The following CDKN2B-AS1 variants were observed in gnomAD, a reference collection of about 807,000 sequenced individuals.
The protein encoded by CDKN2B-AS1 is CDKN2B antisense RNA 1 (non-protein coding).
chr9:22,057,072 G>A (rs1823603477), intron 4 of CDKN2B-AS1, among the ~76,000 whole-genome samples: 1 of 151,962 alleles, frequency 6.6e-6, no homozygotes, highest in Non-Finnish European at 1.5e-5. Context: ...ACCCCAAATA[G>A]GTAACTGCTG....
Position 22,005,710 on chromosome 9 carries a change from A to T in CDKN2B-AS1, n.29+10549A>T, listed in dbSNP as rs956480469. On this transcript the variant is annotated intron_variant and non_coding_transcript_variant, in intron 1 of 4. Coordinates refer to ENST00000650946, the Ensembl canonical transcript of CDKN2B-AS1. The surrounding 1 kb of genome is among the most constrained non-coding windows in gnomAD (Gnocchi z 4.9). Reference sequence around the variant, plus strand: ...TTCCCTCAGAAAACCCTGAAAAGCAAACGACCCCTGGAATGTCACACACTC... The same window carrying T: ...TTCCCTCAGAAAACCCTGAAAAGCATACGACCCCTGGAATGTCACACACTC... 3.4e-5 allele frequency: 19 copies of T among 556,638 alleles called. No individual in the cohort carries two copies. Among genetic ancestry groups the T allele is most frequent in the African/African-American group, 3.4e-4 (18 of 53,030 alleles). The allele number at this position is 556,638 out of a possible 1,614,324, so 34.5% of individuals were successfully genotyped here. A position where few individuals can be genotyped will look rare whatever the true frequency, so the allele number is the denominator to read the frequency against.
At chr9:22,023,185 G>A (rs1051035885) in intron 1 of CDKN2B-AS1, among the ~76,000 whole-genome samples, 1 of 152,114 alleles carries the variant, frequency 6.6e-6, no homozygotes, top group African/African-American at 2.4e-5. Flanking sequence ...CTAGGATGGG[G>A]AAGTTCTCAT....
At chr9:22,110,588 G>A (rs748474508) in intron 4 of CDKN2B-AS1, among the ~76,000 whole-genome samples, 1 of 152,078 alleles carries the variant, frequency 6.6e-6, no homozygotes, top group Non-Finnish European at 1.5e-5. Flanking sequence ...GTAGGATCTT[G>A]TTTAGTTTTC....
At chr9:22,026,889 T>G (rs1458143062) in intron 1 of CDKN2B-AS1, among the ~76,000 whole-genome samples, 1 of 152,146 alleles carries the variant, frequency 6.6e-6, no homozygotes, top group Non-Finnish European at 1.5e-5. Context: ...TGCAAAGATC[T>G]GTGAGAGCAG....
chr9:22,012,027 G>C, intron 1 of CDKN2B-AS1: 1 of 543,716 alleles, frequency 1.8e-6, no homozygotes. Flanking sequence ...ACATAACTCA[G>C]ATCACTAGTA....
intron 1 of CDKN2B-AS1, among the ~76,000 whole-genome samples, chr9:22,013,867 ATGCTTCTTTAT>A (rs1821622696): frequency 6.6e-6 from 1 of 151,938 alleles, no homozygotes; most frequent in African/African-American, 2.4e-5. Context: ...ATTTTGCTGA[ATGCTTCTTTAT>A]AATGACACTT....
chr9:22,090,529 G>T (rs1283568586), intron 4 of CDKN2B-AS1, among the ~76,000 whole-genome samples: 2 of 152,128 alleles, frequency 1.3e-5, no homozygotes, highest in African/African-American at 2.4e-5. Flanking sequence ...TCTGACTGGT[G>T]TCAGATGGTA....
At chr9:22,063,731 T>C (rs1823917239) in intron 4 of CDKN2B-AS1, among the ~76,000 whole-genome samples, 1 of 152,158 alleles carries the variant, frequency 6.6e-6, no homozygotes, top group Non-Finnish European at 1.5e-5. Flanking sequence ...CTGTCTGTTT[T>C]GGGAAAGGCT....
chr9:22,127,761 G>GCT, exon 5 of CDKN2B-AS1, among the ~76,000 whole-genome samples: 1 of 152,280 alleles, frequency 6.6e-6, no homozygotes, highest in East Asian at 1.9e-4. Flanking sequence ...TTGATGAGAT[G>GCT]TTGAACCATG....
chr9:22,094,015 G>A (rs1470705453), intron 4 of CDKN2B-AS1, among the ~76,000 whole-genome samples: 1 of 144,292 alleles, frequency 6.9e-6, no homozygotes, highest in Non-Finnish European at 1.5e-5. Flanking sequence ...CAGGCCTGGT[G>A]GTGACAAAAT....
intron 4 of CDKN2B-AS1, chr9:22,097,479 G>T (rs1825323452): frequency 1.3e-5 from 2 of 152,152 alleles, no homozygotes; most frequent in African/African-American, 4.8e-5. Flanking sequence ...CCAAACCTTT[G>T]TGCTTATAAC....
chr9:22,064,126 C>G (rs1002028392), intron 4 of CDKN2B-AS1: 1 of 152,038 alleles, frequency 6.6e-6, no homozygotes, highest in South Asian at 2.1e-4. Context: ...GGTGGATTGC[C>G]CACTAAGACA....
chr9:22,079,056 T>C (rs1315966084), intron 4 of CDKN2B-AS1, among the ~76,000 whole-genome samples: 2 of 152,232 alleles, frequency 1.3e-5, no homozygotes, highest in African/African-American at 2.4e-5. Context: ...CTGGAAGATA[T>C]TTTTCTAGTT....
rs111584968 is a variant in CDKN2B-AS1 at position 22,086,445 on chromosome 9, A to G, written n.438+30058A>G. Among the ~76,000 whole-genome samples the G allele has an allele frequency of 2.3e-4, 35 of 152,346 alleles. 1 individual carries two copies. The highest frequency in any genetic ancestry group is 7.9e-4 in the African/African-American group (33 of 41,572). The stretch of plus-strand genomic sequence containing the variant: ...GAAATTTACCCGTCAGGGCCAGATT[A>G]AAACATTTACAAGTCCCAAGCACAC... On this transcript the variant is annotated intron_variant and non_coding_transcript_variant, in intron 4 of 4. Transcript: ENST00000650946.
At chr9:22,016,501 G>A (rs1446914061) in intron 1 of CDKN2B-AS1, among the ~76,000 whole-genome samples, 1 of 152,160 alleles carries the variant, frequency 6.6e-6, no homozygotes, top group African/African-American at 2.4e-5. Context: ...TCAATCCTAA[G>A]CCAAAAGAAC....
At chr9:22,101,368 T>G (rs2131356047) in intron 4 of CDKN2B-AS1, among the ~76,000 whole-genome samples, 1 of 152,232 alleles carries the variant, frequency 6.6e-6, no homozygotes, top group South Asian at 2.1e-4. Flanking sequence ...TATAAGATAC[T>G]CAGTCTGAAA....
intron 4 of CDKN2B-AS1, chr9:22,066,272 G>C (rs909082889): frequency 7.3e-5 from 11 of 151,680 alleles, no homozygotes; most frequent in African/African-American, 2.7e-4. Flanking sequence ...GGAGTGTATT[G>C]GCATGATTAC....
intron 1 of CDKN2B-AS1, among the ~76,000 whole-genome samples, chr9:22,002,416 T>TG (rs1820959453): frequency 6.6e-6 from 1 of 151,848 alleles, no homozygotes; most frequent in Non-Finnish European, 1.5e-5. Flanking sequence ...TGGTAAAGCA[T>TG]AAAATGAGTA....
chr9:22,029,395 C>G (rs979160026), intron 1 of CDKN2B-AS1: 1 of 778,738 alleles, frequency 1.3e-6, no homozygotes, highest in African/African-American at 1.7e-5. Context: ...CACATAGAGA[C>G]TTGTCTGACA....
Sources: allele counts gnomAD v4.1 joint callset (sites outside exome capture counted in the v4.1 genomes callset), GRCh38; gene constraint gnomAD v4.1.1; non-coding constraint Gnocchi (gnomAD v3.1); transcripts MANE v1.5; gene names NCBI Gene and HGNC (gene_info 2026-07-23, HGNC 2026-07-21).